The following RFX6 variants were observed in gnomAD, a reference collection of about 807,000 sequenced individuals.
RFX6 encodes DNA-binding protein RFX6.
A neutral mutation model predicts 110.8 loss-of-function variants in RFX6; 50 were observed. The ratio of observed to expected loss-of-function variants is 0.45; its 90% CI spans 0.36 to 0.57. The LOEUF is 0.57. Ranked by LOEUF, RFX6 falls within the 20% of genes least tolerant of loss-of-function variation. The pLI is 0.00. For synonymous variants in RFX6, 383 were observed against 411.2 expected, an observed-to-expected ratio of 0.93 and a Z score of 0.83; for missense variants, 990 against 1,127.0, an observed-to-expected ratio of 0.88 and a Z score of 1.74.
intron 4 of RFX6, among the ~76,000 whole-genome samples, 154 bp downstream of exon 4, chr6:116,882,582 AG>A (rs1774613830): frequency 6.6e-6 from 1 of 150,670 alleles, no homozygotes; most frequent in Non-Finnish European, 1.5e-5. Context: ...AAAAAAAAAA[AG>A]ATTTTAGAAT....
chr6:116,920,518 G>C, intron 12 of RFX6, 64 bp downstream of exon 12: 1 of 1,396,142 alleles, frequency 7.2e-7, no homozygotes, highest in Non-Finnish European at 1.0e-6. Context: ...ATCTTGAGCT[G>C]GGTAACTCTG....
intron 16 of RFX6, among the ~76,000 whole-genome samples, chr6:116,926,515 C>A (rs1015119916): frequency 2.0e-5 from 3 of 152,050 alleles, no homozygotes; most frequent in Admixed American, 6.5e-5. Flanking sequence ...CCTAGAAGAG[C>A]CTTATAGTTC....
chr6:116,882,082 GTAA>G (rs1774601586), intron 3 of RFX6, among the ~76,000 whole-genome samples: 1 of 152,028 alleles, frequency 6.6e-6, no homozygotes, highest in East Asian at 1.9e-4. Context: ...CATAAATAAA[GTAA>G]TAATTGCTTT....
At chr6:116,898,983 G>T (rs1274539621) in intron 6 of RFX6, among the ~76,000 whole-genome samples, 4 of 152,104 alleles carry the variant, frequency 2.6e-5, no homozygotes, top group East Asian at 3.8e-4. Context: ...ATCCTTGAGA[G>T]AATTGAAAAA....
At chr6:116,930,206 G>C (rs915795813) in intron 18 of RFX6, among the ~76,000 whole-genome samples, 1 of 152,196 alleles carries the variant, frequency 6.6e-6, no homozygotes, top group Non-Finnish European at 1.5e-5. Flanking sequence ...GGTAAAATGA[G>C]GGGATAGAAT....
At chr6:116,913,344 A>G (rs757295790) in intron 7 of RFX6, among the ~76,000 whole-genome samples, 104 of 152,286 alleles carry the variant, frequency 6.8e-4, no homozygotes, top group Non-Finnish European at 1.2e-3. Context: ...TTACAGGCGT[A>G]AGCCACCGCG....
Position 116,931,034 on chromosome 6 carries a change from C to T in RFX6, c.2612-297C>T, listed in dbSNP as rs643474. ...GAAAAGATGGTGGTTTGAACTACAA[C>T]CGTGAAAGTGCAGATGGAAAGAGGA... On this transcript the variant is annotated intron_variant, in intron 18 of 18. Coordinates refer to ENST00000332958, the MANE Select transcript of RFX6 (RefSeq NM_173560.4). 0.24 allele frequency among the ~76,000 whole-genome samples: 36,894 copies of T among 151,762 alleles called. 4,865 individuals carry two copies. Among genetic ancestry groups the T allele is most frequent in the South Asian group, 0.42 (2,017 of 4,814 alleles).
intron 4 of RFX6, 40 bp downstream of exon 4, chr6:116,882,468 C>T (rs759260073): frequency 7.2e-6 from 10 of 1,389,242 alleles, no homozygotes; most frequent in South Asian, 1.2e-5. Flanking sequence ...TGCTCTTGTG[C>T]ATGAAGATTG....
At chr6:116,918,811 A>ATGTCTTTTAATTATCAATTGT (rs1775529929) in intron 10 of RFX6, among the ~76,000 whole-genome samples, 1 of 152,088 alleles carries the variant, frequency 6.6e-6, no homozygotes, top group African/African-American at 2.4e-5. Flanking sequence ...CTGATCAATA[A>ATGTCTTTTAATTATCAATTGT]TGTCTTTTAA....
intron 14 of RFX6, among the ~76,000 whole-genome samples, chr6:116,924,226 T>C (rs4946205): frequency 0.24 from 37,068 of 152,142 alleles, 4,905 homozygotes; most frequent in South Asian, 0.42. Flanking sequence ...GCTAGAAAGA[T>C]ATCTCTTTAC....
rs1775637837 is a variant in RFX6, at chr6:116,923,136, G to A, written c.1467G>A (p.Lys489=). The change falls in exon 14 of 19, where the codon AAG becomes AAA. Residue 489 remains lysine, a synonymous_variant. Transcript: ENST00000332958. The part of the protein sequence containing the change: ...KTSKQNGRSL[K]KRAQDFLLKW... ...GCAAACAAAATGGAAGGTCATTAAA[G>A]AAGAGAGCTCAAGACTTTCTGTTAA... 1.2e-6 allele frequency: 2 copies of A among 1,607,088 alleles called. No individual in the cohort carries two copies. Among genetic ancestry groups the A allele is most frequent in the South Asian group, 2.2e-5 (2 of 90,930 alleles).
chr6:116,893,576 T>C (rs1774876236), intron 4 of RFX6, among the ~76,000 whole-genome samples: 1 of 152,208 alleles, frequency 6.6e-6, no homozygotes, highest in African/African-American at 2.4e-5. Context: ...AGATTGGTCT[T>C]CCCTACACAT....
chr6:116,924,610 T>G, intron 14 of RFX6, 59 bp from the exon 15 acceptor site: 1 of 1,505,368 alleles, frequency 6.6e-7, no homozygotes, highest in Non-Finnish European at 9.2e-7. Flanking sequence ...TTTCCTTCTC[T>G]TTCTCTCCCC....
rs749677981 is a variant in RFX6 at position 116,922,131 on chromosome 6, G to T, written c.1417G>T (p.Val473Leu). ...EAFIEWLDTV[V>L]EQRVIKTSKQ... The stretch of plus-strand genomic sequence containing the variant: ...TTTTATTGAATGGTTGGATACTGTG[G>T]TAGAACAGAGAGTTATTAAGGTACT... The change falls in exon 13 of 19, where the codon GTA (valine) becomes TTA (leucine). Residue 473 changes from valine (V) to leucine (L), a missense_variant. Physicochemically the swap from Val to Leu is conservative, Grantham distance 32 (BLOSUM62 1). Transcript: ENST00000332958. 7.6e-6 allele frequency: 11 copies of T among 1,455,982 alleles called. No homozygotes were observed. In the African/African-American group the frequency reaches 1.3e-4, roughly 17 times the overall value. The allele number at this position is 1,455,982 out of a possible 1,614,324, so 90.2% of individuals were successfully genotyped here. A position where few individuals can be genotyped will look rare whatever the true frequency, so the allele number is the denominator to read the frequency against.
At chr6:116,909,475 A>G (rs1482793737) in intron 6 of RFX6, among the ~76,000 whole-genome samples, 1 of 151,890 alleles carries the variant, frequency 6.6e-6, no homozygotes, top group Non-Finnish European at 1.5e-5. Context: ...ATTCCTTGAC[A>G]GTGCAATGAT....
chr6:116,897,960 G>GA (rs1351093832), intron 6 of RFX6, among the ~76,000 whole-genome samples: 10 of 152,004 alleles, frequency 6.6e-5, no homozygotes, highest in Admixed American at 3.3e-4. Context: ...AATGCTTAGG[G>GA]AAAAAATGAA....
rs1245215471 is a variant in RFX6 at position 116,923,210 on chromosome 6, A to G, written c.1541A>G (p.Asn514Ser). ...GTAATGCATAATCTCACCTTGAACA[A>G]TGCATCCAGTTTTGGTAACATACGT... ...ARVMHNLTLN[N>S]ASSFGSFHLI... The change falls in exon 14 of 19, where the codon AAT becomes AGT. Residue 514 changes from asparagine (N) to serine (S), a missense_variant. Around this residue, in one of 5 missense-constraint regions of RFX6, gnomAD observed 89 missense variants for 140.3 expected, o/e 0.63. Coordinates refer to ENST00000332958, the MANE Select transcript of RFX6 (RefSeq NM_173560.4). 6.6e-7 allele frequency: 1 copy of G among 1,522,002 alleles called. No individual in the cohort carries two copies. The highest frequency in any genetic ancestry group is 1.7e-5 in the Admixed American group (1 of 59,916). The allele number at this position is 1,522,002 out of a possible 1,614,324, so 94.3% of individuals were successfully genotyped here. A position where few individuals can be genotyped will look rare whatever the true frequency, so the allele number is the denominator to read the frequency against.
chr6:116,888,713 CT>C (rs1225233829), intron 4 of RFX6, among the ~76,000 whole-genome samples: 1 of 152,108 alleles, frequency 6.6e-6, no homozygotes, highest in East Asian at 1.9e-4. Flanking sequence ...ACAAACATCA[CT>C]TTTTATTTAA....
chr6:116,901,307 G>A (rs1207267602), intron 6 of RFX6, among the ~76,000 whole-genome samples: 1 of 152,104 alleles, frequency 6.6e-6, no homozygotes, highest in Non-Finnish European at 1.5e-5. Context: ...CTATTACTAT[G>A]TTGTAAAATA....
Sources: gnomAD v4.1 joint callset for allele counts (sites outside exome capture counted in the v4.1 genomes callset) on GRCh38, gnomAD v4.1.1 for gene constraint, gnomAD v4.1.1 regional missense constraint, MANE v1.5 for transcripts, NCBI Gene and HGNC (gene_info 2026-07-23, HGNC 2026-07-21) for gene names.